The following FCAR variants were observed in gnomAD, a reference collection of about 807,000 sequenced individuals.
FCAR encodes immunoglobulin alpha Fc receptor.
FCAR carries 21 observed loss-of-function variants against 27.1 expected under a neutral mutation model. The ratio of observed to expected loss-of-function variants is 0.77; its 90% CI spans 0.55 to 1.11. The LOEUF is 1.11. Among genes scored for constraint, FCAR ranks in the 50% most tolerant of loss-of-function variants. The pLI is 0.00. For missense variants in FCAR, 404 were observed against 358.4 expected, an observed-to-expected ratio of 1.13 and a Z score of -1.03; for synonymous variants, 134 against 135.8, an observed-to-expected ratio of 0.99 and a Z score of 0.09.
At chr19:54,889,613 C>A in intron 4 of FCAR, 36 bp from the exon 5 acceptor site, 1 of 1,552,074 alleles carries the variant, frequency 6.4e-7, no homozygotes, top group Non-Finnish European at 8.9e-7. Context: ...TGGAACACAA[C>A]CACCAACCAT....
intron 2 of FCAR, among the ~76,000 whole-genome samples, chr19:54,877,773 AGAG>A (rs2066176768): frequency 6.6e-6 from 1 of 152,162 alleles, no homozygotes; most frequent in Non-Finnish European, 1.5e-5. Context: ...GCTGTGTCCC[AGAG>A]ATTCTGCTAT....
chr19:54,888,221 G>T lies in FCAR; in HGVS notation c.576G>T (p.Arg192Ser). 3 of 1,614,190 alleles carry T rather than the reference G, an allele frequency of 1.9e-6. No homozygotes were observed. Among genetic ancestry groups the T allele is most frequent in the Non-Finnish European group, 2.5e-6 (3 of 1,180,020 alleles). ...ACCTCAATGTCTCAGGGATCTACAGGTGCTACGGTTGGTACAACAGGAGCC... is the reference window on the plus strand; with the variant it reads ...ACCTCAATGTCTCAGGGATCTACAGTTGCTACGGTTGGTACAACAGGAGCC... Reference protein sequence around the residue: ...PVDLNVSGIYRCYGWYNRSPY... With the variant: ...PVDLNVSGIYSCYGWYNRSPY... The change falls in exon 4 of 5, where the codon AGG becomes AGT. Residue 192 changes from arginine to serine, a missense_variant. Physicochemically the swap from Arg to Ser is moderately radical, Grantham distance 110 (BLOSUM62 -1). Coordinates refer to ENST00000355524, the MANE Select transcript of FCAR (RefSeq NM_002000.4).
chr19:54,881,510 A>T (rs1181124110), intron 2 of FCAR, among the ~76,000 whole-genome samples: 1 of 151,984 alleles, frequency 6.6e-6, no homozygotes, highest in African/African-American at 2.4e-5. Flanking sequence ...GTTGAAGAGC[A>T]GGGGGTTGAG....
At chr19:54,888,554 A>C in intron 4 of FCAR, 1 of 1,281,332 alleles carries the variant, frequency 7.8e-7, no homozygotes. Context: ...TATTTATTTC[A>C]TTTTATTTTC....
intron 2 of FCAR, among the ~76,000 whole-genome samples, chr19:54,884,591 T>A (rs886885346): frequency 2.0e-5 from 3 of 151,726 alleles, no homozygotes; most frequent in African/African-American, 7.3e-5. Flanking sequence ...ACCACTGCAC[T>A]GCAGCCTGGG....
chr19:54,884,682 TG>T (rs1205213975), intron 2 of FCAR, among the ~76,000 whole-genome samples: 1 of 140,340 alleles, frequency 7.1e-6, no homozygotes, highest in African/African-American at 2.6e-5. Flanking sequence ...GACTACTAGA[TG>T]GGGGGGAAGA....
chr19:54,885,309 T>C lies in FCAR; in HGVS notation c.145T>C (p.Cys49Arg). The change falls in exon 3 of 5, where the codon TGC becomes CGC. Residue 49 changes from cysteine to arginine, a missense_variant. Physicochemically the swap from Cys to Arg is radical, Grantham distance 180. Transcript: ENST00000355524. ...IPLDGSVKIQCQAIREAYLTQ... is the reference protein window; with the variant it reads ...IPLDGSVKIQRQAIREAYLTQ... ...CTTGGATGGATCTGTGAAAATCCAG[T>C]GCCAGGCCATTCGTGAAGCTTACCT... The C allele has an allele frequency of 6.2e-7, 1 of 1,613,988 alleles. No individual in the cohort carries two copies. The highest frequency in any genetic ancestry group is 8.5e-7 in the Non-Finnish European group (1 of 1,179,926).
chr19:54,889,730 T>A lies in FCAR; in HGVS notation c.731T>A (p.Ile244Lys). Residue 244 changes from isoleucine to lysine, a missense_variant, in exon 5 of 5, where the codon ATA becomes AAA. By Grantham distance (102) the Ile-to-Lys change is moderately radical. Transcript: ENST00000355524. ...AGLVLVALLAILVENWHSHTA... is the reference protein window; with the variant it reads ...AGLVLVALLAKLVENWHSHTA... Reference sequence around the variant, plus strand: ...CTGGTCCTCGTGGCTCTCTTGGCCATACTGGTTGAAAATTGGCACAGCCAT... The same window carrying A: ...CTGGTCCTCGTGGCTCTCTTGGCCAAACTGGTTGAAAATTGGCACAGCCAT... 1 of 1,613,984 alleles carries A rather than the reference T, an allele frequency of 6.2e-7. No individual in the cohort carries two copies. Among genetic ancestry groups the A allele is most frequent in the Non-Finnish European group, 8.5e-7 (1 of 1,179,976 alleles).
intron 3 of FCAR, among the ~76,000 whole-genome samples, chr19:54,887,598 G>C (rs1356462214): frequency 5.3e-5 from 8 of 151,664 alleles, no homozygotes; most frequent in African/African-American, 1.9e-4. Context: ...TGCAGCCTCA[G>C]TGACAGAGTG....
chr19:54,876,660 C>T (rs2066106577), intron 2 of FCAR, among the ~76,000 whole-genome samples: 2 of 152,102 alleles, frequency 1.3e-5, no homozygotes, highest in African/African-American at 4.8e-5. Flanking sequence ...TGGCTCATGC[C>T]TGTAATCCCA....
intron 2 of FCAR, among the ~76,000 whole-genome samples, chr19:54,880,324 T>G (rs1479281246): frequency 6.6e-6 from 1 of 152,200 alleles, no homozygotes; most frequent in Non-Finnish European, 1.5e-5. Flanking sequence ...TGAGATTCTT[T>G]CCTTATTTTG....
In FCAR at chr19:54,877,916, A is replaced by ATTTTTTTTTTTTTTTTTTTTTTTTTTT. The variant is rs757104692; in HGVS notation, c.70+2553_70+2554insTTTTTTTTTTTTTTTTTTTTTTTTTTT. ...TTTCGCTTTTCTGGATTTGCTAAGG[A>ATTTTTTTTTTTTTTTTTTTTTTTTTTT]TTGTTTTTTTTTTTTTTGAAATGGA... On this transcript the variant is annotated intron_variant, in intron 2 of 4. Transcript: ENST00000355524. 1.4e-5 allele frequency among the ~76,000 whole-genome samples: 2 copies of ATTTTTTTTTTTTTTTTTTTTTTTTTTT among 143,464 alleles called. 1 individual carries two copies. The allele number at this position is 143,464 out of a possible 152,430, so 94.1% of individuals were successfully genotyped here.
rs746278691 is a variant in FCAR, at chr19:54,885,486, A to G, written c.322A>G (p.Arg108Gly). 1.9e-6 allele frequency: 3 copies of G among 1,613,482 alleles called. No homozygotes were observed. In the South Asian group the frequency reaches 3.3e-5, roughly 18 times the overall value. ...YQCQYRIGHYRFRYSDTLELV... is the reference protein window; with the variant it reads ...YQCQYRIGHYGFRYSDTLELV... Reference sequence around the variant, plus strand: ...GTGCCAATATAGGATAGGGCACTACAGGTTCCGGTACAGTGACACCCTGGA... The same window carrying G: ...GTGCCAATATAGGATAGGGCACTACGGGTTCCGGTACAGTGACACCCTGGA... The change falls in exon 3 of 5, where the codon AGG becomes GGG. Residue 108 changes from arginine to glycine, a missense_variant. By Grantham distance (125) the Arg-to-Gly change is moderately radical. Coordinates refer to ENST00000355524, the MANE Select transcript of FCAR (RefSeq NM_002000.4).
rs999491847 is a variant in FCAR at position 54,884,303 on chromosome 19, G to A, written c.71-932G>A. Among the ~76,000 whole-genome samples, 11 of 152,266 alleles carry A rather than the reference G, an allele frequency of 7.2e-5. No individual in the cohort carries two copies. In the East Asian group the frequency reaches 9.7e-4, roughly 13 times the overall value. Reference sequence around the variant, plus strand: ...CGACTGCTCTGGGGTCAATGCCTGCGGAGGTCCCCCTGGCTTCAGTGTTGC... The same window carrying A: ...CGACTGCTCTGGGGTCAATGCCTGCAGAGGTCCCCCTGGCTTCAGTGTTGC... On this transcript the variant is annotated intron_variant, in intron 2 of 4. Coordinates refer to ENST00000355524, the MANE Select transcript of FCAR (RefSeq NM_002000.4).
intron 1 of FCAR, 107 bp downstream of exon 1, chr19:54,874,430 G>T: frequency 9.1e-7 from 1 of 1,094,970 alleles, no homozygotes; most frequent in Non-Finnish European, 1.4e-6. Context: ...CTGCCAAGGA[G>T]ATTCTGATCT....
At chr19:54,889,497 T>C in intron 4 of FCAR, 152 bp from the exon 5 acceptor site, 1 of 698,422 alleles carries the variant, frequency 1.4e-6, no homozygotes, top group Non-Finnish European at 2.6e-6. Flanking sequence ...ATCAGTGTGG[T>C]GCTGGCGAAG....
At chr19:54,880,285 A>G (rs2066338811) in intron 2 of FCAR, among the ~76,000 whole-genome samples, 1 of 152,070 alleles carries the variant, frequency 6.6e-6, no homozygotes, top group Non-Finnish European at 1.5e-5. Flanking sequence ...GTCTGACTGA[A>G]TTAGTTCAGA....
In FCAR at chr19:54,890,681, G is replaced by T. The variant is rs1323187301; in HGVS notation, c.*818G>T. On this transcript the variant is annotated 3_prime_UTR_variant, in exon 5 of 5. Coordinates refer to ENST00000355524, the MANE Select transcript of FCAR (RefSeq NM_002000.4). ...CTGACCTCGTGATCTGCCCGCCTCG[G>T]CCTCCCAAAGTGCTGGGATTACAGA... 1 of 152,164 alleles carries T rather than the reference G, an allele frequency of 6.6e-6. No homozygotes were observed. Among genetic ancestry groups the T allele is most frequent in the Non-Finnish European group, 1.5e-5 (1 of 68,038 alleles). The allele number at this position is 152,164 out of a possible 1,614,324, so 9.4% of individuals were successfully genotyped here.
chr19:54,874,379 T>A, intron 1 of FCAR, 56 bp downstream of exon 1: 1 of 1,547,126 alleles, frequency 6.5e-7, no homozygotes, highest in Non-Finnish European at 8.9e-7. Context: ...CCCAAAATAA[T>A]CAGGGTGTCT....
Sources: gnomAD v4.1 joint callset for allele counts (sites outside exome capture counted in the v4.1 genomes callset) on GRCh38, gnomAD v4.1.1 for gene constraint, MANE v1.5 for transcripts, NCBI Gene and HGNC (gene_info 2026-07-23, HGNC 2026-07-21) for gene names.